The following RAB2A variants were observed in gnomAD, a reference collection of about 807,000 sequenced individuals.
RAB2A encodes the protein ras-related protein Rab-2A.
A neutral mutation model predicts 32.5 loss-of-function variants in RAB2A; 7 were observed. The ratio of observed to expected loss-of-function variants is 0.22; its 90% CI spans 0.12 to 0.40. RAB2A has a LOEUF of 0.40. Ranked by LOEUF, RAB2A falls within the 10% of genes least tolerant of loss-of-function variation. RAB2A has a pLI of 1.00. For synonymous variants in RAB2A, 79 were observed against 85.2 expected (o/e 0.93, Z 0.40); for missense variants, 108 against 260.7 (o/e 0.41, Z 4.03).
At chr8:60,554,840 G>A (rs1331279896) in intron 1 of RAB2A, among the ~76,000 whole-genome samples, 2 of 151,760 alleles carry the variant, frequency 1.3e-5, no homozygotes, top group African/African-American at 2.4e-5. Flanking sequence ...GCGACAGAGC[G>A]AGACTCCGTC....
At chr8:60,570,962 G>A (rs1808189399) in intron 2 of RAB2A, among the ~76,000 whole-genome samples, 2 of 152,172 alleles carry the variant, frequency 1.3e-5, no homozygotes, top group African/African-American at 4.8e-5. Context: ...GGGACCATGT[G>A]TGTCTTCCCT....
intron 7 of RAB2A, among the ~76,000 whole-genome samples, chr8:60,620,291 G>A (rs1364630552): frequency 2.0e-5 from 3 of 152,238 alleles, no homozygotes; most frequent in African/African-American, 4.8e-5. Flanking sequence ...ACATGGAACA[G>A]AAACACTGTC....
rs1453748636 is a variant in RAB2A at position 60,610,750 on chromosome 8, T to C, written c.475-7830T>C. The stretch of plus-strand genomic sequence containing the variant: ...GAAAGTTGCATCCATTTTCTGTACT[T>C]CTAAACCAGGGTGGCTAAACATTAC... On this transcript the variant is annotated intron_variant, in intron 6 of 7. Coordinates refer to ENST00000262646, the MANE Select transcript of RAB2A (RefSeq NM_002865.3). Among the ~76,000 whole-genome samples, 5 of 152,316 alleles carry C rather than the reference T, an allele frequency of 3.3e-5. No homozygotes were observed. In the East Asian group the frequency reaches 7.7e-4, roughly 24 times the overall value.
chr8:60,524,225 T>C (rs1206695593), intron 1 of RAB2A, among the ~76,000 whole-genome samples: 1 of 152,176 alleles, frequency 6.6e-6, no homozygotes. Context: ...AAGTTTCTCT[T>C]TTATCTCCCC....
At chr8:60,526,650 A>AT (rs755351032) in intron 1 of RAB2A, among the ~76,000 whole-genome samples, 1 of 152,186 alleles carries the variant, frequency 6.6e-6, no homozygotes, top group East Asian at 1.9e-4. Context: ...AAAGGCCTGC[A>AT]TTAGTCCATT....
chr8:60,615,189 A>T (rs771952107), intron 6 of RAB2A, among the ~76,000 whole-genome samples: 2 of 152,376 alleles, frequency 1.3e-5, no homozygotes, highest in East Asian at 3.9e-4. Flanking sequence ...CAGCAATTTC[A>T]TGTAAGCCCA....
At position 60,620,889 on chromosome 8, in the gene RAB2A, A is replaced by T; in HGVS notation, c.*120A>T. On this transcript the variant is annotated 3_prime_UTR_variant, in exon 8 of 8. Coordinates refer to ENST00000262646, the MANE Select transcript of RAB2A (RefSeq NM_002865.3). ...ATGGCTTTATGTCACAGAAGACTTTAATCCGTCAAATTCTTGTATAACTTT... is the reference window on the plus strand; with the variant it reads ...ATGGCTTTATGTCACAGAAGACTTTTATCCGTCAAATTCTTGTATAACTTT... 1 of 733,804 alleles carries T rather than the reference A, an allele frequency of 1.4e-6. No individual in the cohort carries two copies. The highest frequency in any genetic ancestry group is 2.1e-6 in the Non-Finnish European group (1 of 470,352). The allele number at this position is 733,804 out of a possible 1,614,324, so 45.5% of individuals were successfully genotyped here.
At chr8:60,519,888 G>C (rs1807275938) in intron 1 of RAB2A, among the ~76,000 whole-genome samples, 1 of 151,896 alleles carries the variant, frequency 6.6e-6, no homozygotes, top group Non-Finnish European at 1.5e-5. Context: ...TTACTAATTT[G>C]GGCAAAATCC....
intron 3 of RAB2A, among the ~76,000 whole-genome samples, chr8:60,579,361 A>G (rs983783890): frequency 1.3e-5 from 2 of 152,076 alleles, no homozygotes; most frequent in Non-Finnish European, 2.9e-5. Flanking sequence ...GGATTTTTAA[A>G]TTAATCCAAC....
At chr8:60,591,357 G>A (rs1671913822) in intron 5 of RAB2A, among the ~76,000 whole-genome samples, 3 of 143,406 alleles carry the variant, frequency 2.1e-5, no homozygotes. Context: ...TTTGCTTTAA[G>A]AGGAAACTGG....
chr8:60,587,833 T>C (rs549118767), intron 5 of RAB2A, among the ~76,000 whole-genome samples: 4 of 152,284 alleles, frequency 2.6e-5, no homozygotes, highest in Admixed American at 1.3e-4. Context: ...AGAAAATATT[T>C]GTGAAAAATG....
intron 2 of RAB2A, 184 bp downstream of exon 2, chr8:60,559,107 G>T (rs1446435282): frequency 7.8e-6 from 4 of 511,824 alleles, no homozygotes; most frequent in Non-Finnish European, 1.4e-5. Flanking sequence ...ACCTAACTTT[G>T]TAGAAGTGGT....
chr8:60,517,067 A>T lies in RAB2A; in HGVS notation c.-141A>T, dbSNP rs1807216389. 1 of 794,970 alleles carries T rather than the reference A, an allele frequency of 1.3e-6. No individual in the cohort carries two copies. The highest frequency in any genetic ancestry group is 1.8e-6 in the Non-Finnish European group (1 of 542,062). The allele number at this position is 794,970 out of a possible 1,614,324, so 49.2% of individuals were successfully genotyped here. A position where few individuals can be genotyped will look rare whatever the true frequency, so the allele number is the denominator to read the frequency against. On this transcript the variant is annotated 5_prime_UTR_variant, in exon 1 of 8. Transcript: ENST00000262646. ...TCGTCCGGCTTCCTCACAGCCCCTC[A>T]CTCCCGGCGGCTGACAGCAGCAGCG... is the stretch of plus-strand genomic sequence containing the variant.
chr8:60,519,831 G>A (rs1045904217), intron 1 of RAB2A, among the ~76,000 whole-genome samples: 3 of 152,132 alleles, frequency 2.0e-5, no homozygotes, highest in African/African-American at 7.2e-5. Flanking sequence ...TAACAGAAGT[G>A]GTGTCGTTGT....
At chr8:60,563,096 C>T (rs1431984248) in intron 2 of RAB2A, among the ~76,000 whole-genome samples, 1 of 151,918 alleles carries the variant, frequency 6.6e-6, no homozygotes, top group South Asian at 2.1e-4. Context: ...AAGACAGTAT[C>T]TTGACTCTGC....
chr8:60,615,548 A>T (rs896170082), intron 6 of RAB2A, among the ~76,000 whole-genome samples: 1 of 152,204 alleles, frequency 6.6e-6, no homozygotes, highest in Non-Finnish European at 1.5e-5. Flanking sequence ...TCAATTTTTT[A>T]AAATCCCAGC....
chr8:60,540,304 G>A (rs559834443), intron 1 of RAB2A, among the ~76,000 whole-genome samples: 1 of 151,902 alleles, frequency 6.6e-6, no homozygotes, highest in East Asian at 1.9e-4. Context: ...GTTCCTAGAG[G>A]CCTTGTCTAA....
intron 6 of RAB2A, among the ~76,000 whole-genome samples, chr8:60,610,468 T>A (rs1037478714): frequency 1.3e-5 from 2 of 152,214 alleles, no homozygotes; most frequent in African/African-American, 2.4e-5. Context: ...GTAATGAGGT[T>A]GTAAACTGAA....
At chr8:60,597,371 C>T (rs1240151027) in intron 6 of RAB2A, among the ~76,000 whole-genome samples, 1 of 152,140 alleles carries the variant, frequency 6.6e-6, no homozygotes, top group Admixed American at 6.5e-5. Flanking sequence ...CATGTTCTCA[C>T]TCATAAGTGG....
Sources: gnomAD v4.1 joint callset for allele counts (sites outside exome capture counted in the v4.1 genomes callset) on GRCh38, gnomAD v4.1.1 for gene constraint, MANE v1.5 for transcripts, NCBI Gene and HGNC (gene_info 2026-07-23, HGNC 2026-07-21) for gene names.